Variants in MYPOP observed in about 807,000 individuals in gnomAD.
The protein encoded by MYPOP is Myb related transcription factor, partner of profilin, also known as myb-related transcription factor, partner of profilin.
Under a neutral mutation model 25.7 loss-of-function variants are expected in MYPOP, and 21 were observed. The observed-to-expected ratio is 0.82, with a 90% CI of 0.58 to 1.18. The LOEUF (loss-of-function observed/expected upper bound fraction) is 1.18. Ranked by LOEUF, MYPOP falls within the 50% of genes most tolerant of loss-of-function variation. The probability of loss-of-function intolerance (pLI) is 0.00; values close to 1 mark genes in which losing one functional copy is unlikely to be tolerated. For missense variants in MYPOP, 566 were observed against 588.3 expected (o/e 0.96, Z 0.39); for synonymous variants, 280 against 247.9 (o/e 1.13, Z -1.22).
intron 2 of MYPOP, 68 bp from the exon 3 acceptor site, chr19:45,891,391 C>T (rs2146374617): frequency 1.4e-6 from 2 of 1,406,192 alleles, no homozygotes; most frequent in Non-Finnish European, 1.8e-6. Context: ...CCCTTTCCCA[C>T]TCCTTCCCTC....
chr19:45,891,585 C>T (rs1439281493), intron 2 of MYPOP, among the ~76,000 whole-genome samples: 6 of 151,986 alleles, frequency 3.9e-5, no homozygotes, highest in South Asian at 2.1e-4. Flanking sequence ...TTCAGGTGAC[C>T]GCCACCACAC....
intron 2 of MYPOP, among the ~76,000 whole-genome samples, chr19:45,900,733 G>A (rs73566684): frequency 0.016 from 2,483 of 152,258 alleles, 71 homozygotes; most frequent in African/African-American, 0.048. Flanking sequence ...ACATGTCTGA[G>A]TCTTTTATTT....
At position 45,901,464 on chromosome 19, in the gene MYPOP, C is replaced by T; in HGVS notation, c.310G>A (p.Ala104Thr). The part of the protein sequence containing the change: ...VPHSTQGAGP[A>T]AEDAFSAEEE... Reference sequence around the variant, plus strand: ...TCCGCGGAGAAAGCGTCCTCCGCGGCGGGCCCGGCGCCCTGCGTGGAGTGC... The same window carrying T: ...TCCGCGGAGAAAGCGTCCTCCGCGGTGGGCCCGGCGCCCTGCGTGGAGTGC... The change falls in exon 2 of 3, where the codon GCC becomes ACC. Residue 104 changes from alanine to threonine, a missense_variant. Transcript: ENST00000322217. This position sits in a 1 kb window ranked among gnomAD's most constrained non-coding sequence, Gnocchi z 5.7. 1.3e-6 allele frequency: 2 copies of T among 1,598,870 alleles called. No homozygotes were observed. The highest frequency in any genetic ancestry group is 2.3e-5 in the East Asian group (1 of 43,952).
rs752905407 is a variant in MYPOP, at chr19:45,890,720, G to T, written c.1103C>A (p.Pro368His). 1.1e-5 allele frequency: 17 copies of T among 1,571,064 alleles called. No individual in the cohort carries two copies. The highest frequency in any genetic ancestry group is 6.8e-5 in the African/African-American group (5 of 73,740). The change falls in exon 3 of 3, where the codon CCC becomes CAC. Residue 368 changes from proline to histidine, a missense_variant. Coordinates refer to ENST00000322217, the MANE Select transcript of MYPOP (RefSeq NM_001012643.4). ...GTGCGGAGGGAGCGGGGCTGGGGGG[G>T]GCCGGGGTGCCCCCTCCTCGCTCCT... The part of the protein sequence containing the change: ...APRSEEGAPR[P>H]PPAPLPPHDS...
chr19:45,892,317 G>A (rs1967137788), intron 2 of MYPOP, among the ~76,000 whole-genome samples: 2 of 152,168 alleles, frequency 1.3e-5, no homozygotes, highest in African/African-American at 4.8e-5. Flanking sequence ...GAGAGCTGGG[G>A]TGTCTGGGCA....
In MYPOP at chr19:45,901,839, G is replaced by A; in HGVS notation, c.-52-14C>T. The A allele has an allele frequency of 7.8e-7, 1 of 1,278,086 alleles. No homozygotes were observed. The highest frequency in any genetic ancestry group is 1.0e-6 in the Non-Finnish European group (1 of 999,300). The allele number at this position is 1,278,086 out of a possible 1,614,324, so 79.2% of individuals were successfully genotyped here. A position where few individuals can be genotyped will look rare whatever the true frequency, so the allele number is the denominator to read the frequency against. ...GGGGCGCCGGCGCTGCGGGCAAAGG[G>A]CGCACGGGGCTGGCTGGGGTTCGGG... On this transcript the variant is annotated splice_polypyrimidine_tract_variant and intron_variant, in intron 1 of 2. Coordinates refer to ENST00000322217, the MANE Select transcript of MYPOP (RefSeq NM_001012643.4). This position sits in a 1 kb window ranked among gnomAD's most constrained non-coding sequence, Gnocchi z 5.7.
At position 45,890,320 on chromosome 19, in the gene MYPOP, A is replaced by G. The variant is rs1967097989; in HGVS notation, c.*303T>C. On this transcript the variant is annotated 3_prime_UTR_variant, in exon 3 of 3. Coordinates refer to ENST00000322217, the MANE Select transcript of MYPOP (RefSeq NM_001012643.4). ...AACTGTTAGGGAAGGGGAGATGTGC[A>G]GACCCGAGAGGTTCCCTCCCCACCC... 3 of 306,112 alleles carry G rather than the reference A, an allele frequency of 9.8e-6. No homozygotes were observed. Among genetic ancestry groups the G allele is most frequent in the Non-Finnish European group, 1.2e-5 (2 of 165,264 alleles). 19.0% of individuals were successfully genotyped at this position (306,112 alleles called of 1,614,324 possible).
intron 2 of MYPOP, among the ~76,000 whole-genome samples, chr19:45,896,257 C>T (rs1706434308): frequency 6.6e-6 from 1 of 152,176 alleles, no homozygotes; most frequent in African/African-American, 2.4e-5. Context: ...CACCACTGCA[C>T]TCCAGCTTGG....
intron 2 of MYPOP, among the ~76,000 whole-genome samples, chr19:45,892,725 T>C (rs1967143556): frequency 6.6e-6 from 1 of 152,134 alleles, no homozygotes. Flanking sequence ...CTATCGTCTC[T>C]GCCTTCAAAT....
chr19:45,891,538 G>A (rs1481190796), intron 2 of MYPOP, among the ~76,000 whole-genome samples: 4 of 151,442 alleles, frequency 2.6e-5, no homozygotes, highest in Admixed American at 2.0e-4. Context: ...CTGGGTTCAA[G>A]CGATTATCCT....
At position 45,891,009 on chromosome 19, in the gene MYPOP, C is replaced by T. The variant is rs866895194; in HGVS notation, c.814G>A (p.Ala272Thr). The change falls in exon 3 of 3, where the codon GCC becomes ACC. Residue 272 changes from alanine (A) to threonine (T), a missense_variant. By Grantham distance (58) the Ala-to-Thr change is moderately conservative. Transcript: ENST00000322217. ...AGGGTGCCGGCCAGCTCCCGGATGG[C>T]GTTGGCAGTCTCCTGCTGGGCCCGC... The part of the protein sequence containing the change: ...FLRAQQETAN[A>T]IRELAGTLRQ... 8 of 1,508,086 alleles carry T rather than the reference C, an allele frequency of 5.3e-6. No individual in the cohort carries two copies. Among genetic ancestry groups the T allele is most frequent in the Non-Finnish European group, 6.2e-6 (7 of 1,122,814 alleles). The allele number at this position is 1,508,086 out of a possible 1,614,324, so 93.4% of individuals were successfully genotyped here. A position where few individuals can be genotyped will look rare whatever the true frequency, so the allele number is the denominator to read the frequency against.
At position 45,890,713 on chromosome 19, in the gene MYPOP, TGGGGGGGGCC is replaced by T; in HGVS notation, c.1100_1109del (p.Arg367GlnfsTer36). Reference sequence around the variant, plus strand: ...GGGAGTCGTGCGGAGGGAGCGGGGCTGGGGGGGGCCGGGGTGCCCCCTCCTCGCTCCTTGG... The same window carrying T: ...GGGAGTCGTGCGGAGGGAGCGGGGCTGGGGTGCCCCCTCCTCGCTCCTTGG... On this transcript the variant is annotated frameshift_variant, in exon 3 of 3. Transcript: ENST00000322217. LOFTEE classifies it high-confidence loss of function. 1 of 265,036 alleles carries T rather than the reference TGGGGGGGGCC, an allele frequency of 3.8e-6. No homozygotes were observed. The highest frequency in any genetic ancestry group is 6.4e-6 in the Non-Finnish European group (1 of 157,144). The allele number at this position is 265,036 out of a possible 1,614,324, so 16.4% of individuals were successfully genotyped here. A position where few individuals can be genotyped will look rare whatever the true frequency, so the allele number is the denominator to read the frequency against.
rs775953907 is a variant in MYPOP, at chr19:45,891,061, C to A, written c.762G>T (p.Ser254=). 7 of 1,372,858 alleles carry A rather than the reference C, an allele frequency of 5.1e-6. No individual in the cohort carries two copies. 85.0% of individuals were successfully genotyped at this position (1,372,858 alleles called of 1,614,324 possible). ...PPPPRPPPTL[S]ASDPSLDFLR... ...GGAAGTCCAGGGAGGGGTCTGAGGC[C>A]GAGAGCGTGGGTGGAGGCCGAGGAG... Residue 254 remains serine, a synonymous_variant, in exon 3 of 3, where the codon TCG becomes TCT. Coordinates refer to ENST00000322217, the MANE Select transcript of MYPOP (RefSeq NM_001012643.4).
chr19:45,901,811 T>TG lies in MYPOP; in HGVS notation c.-39dup. On this transcript the variant is annotated 5_prime_UTR_variant, in exon 2 of 3. Coordinates refer to ENST00000322217, the MANE Select transcript of MYPOP (RefSeq NM_001012643.4). The surrounding 1 kb of genome is among the most constrained non-coding windows in gnomAD (Gnocchi z 5.7). ...CGCCGCCGTCCTGCCGTCTGGCGCA[T>TG]GGGGGGCGCCGGCGCTGCGGGCAAA... The TG allele has an allele frequency of 1.5e-6, 2 of 1,331,154 alleles. No individual in the cohort carries two copies. The highest frequency in any genetic ancestry group is 1.6e-5 in the African/African-American group (1 of 63,790). The allele number at this position is 1,331,154 out of a possible 1,614,324, so 82.5% of individuals were successfully genotyped here.
rs1967300682 is a variant in MYPOP at position 45,901,799 on chromosome 19, C to T, written c.-26G>A. 5 of 1,377,036 alleles carry T rather than the reference C, an allele frequency of 3.6e-6. No homozygotes were observed. Among genetic ancestry groups the T allele is most frequent in the Admixed American group, 3.9e-5 (1 of 25,830 alleles). The allele number at this position is 1,377,036 out of a possible 1,614,324, so 85.3% of individuals were successfully genotyped here. The stretch of plus-strand genomic sequence containing the variant: ...GGCGCCCCCCGACGCCGCCGTCCTG[C>T]CGTCTGGCGCATGGGGGGCGCCGGC... On this transcript the variant is annotated 5_prime_UTR_variant, in exon 2 of 3. Coordinates refer to ENST00000322217, the MANE Select transcript of MYPOP (RefSeq NM_001012643.4). The surrounding 1 kb of genome is among the most constrained non-coding windows in gnomAD (Gnocchi z 5.7).
chr19:45,896,953 G>C (rs911397576), intron 2 of MYPOP, among the ~76,000 whole-genome samples: 1 of 152,014 alleles, frequency 6.6e-6, no homozygotes, highest in Non-Finnish European at 1.5e-5. Context: ...TGGGAGCCTC[G>C]CTATATTGCC....
At chr19:45,900,005 T>G (rs1056259044) in intron 2 of MYPOP, among the ~76,000 whole-genome samples, 1 of 152,212 alleles carries the variant, frequency 6.6e-6, no homozygotes, top group African/African-American at 2.4e-5. Flanking sequence ...GACTGGGGGT[T>G]GGACGCACAC....
At position 45,890,708 on chromosome 19, in the gene MYPOP, G is replaced by T; in HGVS notation, c.1115C>A (p.Pro372Gln). The T allele has an allele frequency of 6.3e-7, 1 of 1,574,888 alleles. No homozygotes were observed. ...EEGAPRPPPA[P>Q]LPPHDSPPHK... ...TGGGGGGGAGTCGTGCGGAGGGAGC[G>T]GGGCTGGGGGGGGCCGGGGTGCCCC... The change falls in exon 3 of 3, where the codon CCG (proline) becomes CAG (glutamine). Residue 372 changes from proline (P) to glutamine (Q), a missense_variant. By Grantham distance (76) the Pro-to-Gln change is moderately conservative (BLOSUM62 -1). Transcript: ENST00000322217.
chr19:45,900,731 GA>G (rs1329694793), intron 2 of MYPOP, among the ~76,000 whole-genome samples: 1 of 152,152 alleles, frequency 6.6e-6, no homozygotes, highest in African/African-American at 2.4e-5. Context: ...AAACATGTCT[GA>G]GTCTTTTATT....
Sources: gnomAD v4.1 joint callset for allele counts (sites outside exome capture counted in the v4.1 genomes callset) on GRCh38, gnomAD v4.1.1 for gene constraint, Gnocchi (gnomAD v3.1) non-coding constraint, MANE v1.5 for transcripts, NCBI Gene and HGNC (gene_info 2026-07-23, HGNC 2026-07-21) for gene names.